The following CLTCL1 variants were observed in gnomAD, a reference collection of about 807,000 sequenced individuals.
CLTCL1 encodes the protein clathrin heavy chain 2.
CLTCL1 carries 159 observed loss-of-function variants against 190.0 expected under a neutral mutation model. That is an observed-to-expected ratio of 0.84 (90% confidence interval 0.74 to 0.95). The LOEUF is 0.95. Ranked by LOEUF, CLTCL1 falls within the 40% of genes least tolerant of loss-of-function variation. The pLI is 0.00. For synonymous variants in CLTCL1, 752 were observed against 769.6 expected (o/e 0.98, Z 0.38); for missense variants, 1,878 against 2,033.4 (o/e 0.92, Z 1.47).
intron 10 of CLTCL1, among the ~76,000 whole-genome samples, chr22:19,231,875 C>A (rs782341295): frequency 6.6e-6 from 1 of 152,136 alleles, no homozygotes; most frequent in Non-Finnish European, 1.5e-5. Flanking sequence ...TGCAGATTCC[C>A]AGATGTACAA....
At chr22:19,238,070 T>G (rs2086135476) in intron 5 of CLTCL1, among the ~76,000 whole-genome samples, 1 of 152,152 alleles carries the variant, frequency 6.6e-6, no homozygotes, top group Non-Finnish European at 1.5e-5. Flanking sequence ...AGATTTTTTA[T>G]TTTTATTCTT....
Position 19,207,461 on chromosome 22 carries a change from A to G in CLTCL1, c.3600+693T>C, listed in dbSNP as rs186242076. The G allele has an allele frequency of 3.7e-3, 1,501 of 400,450 alleles. 7 individuals are homozygous for G. Among genetic ancestry groups the G allele is most frequent in the Non-Finnish European group, 5.6e-3 (1,273 of 227,554 alleles). 24.8% of individuals were successfully genotyped at this position (400,450 alleles called of 1,614,324 possible). On this transcript the variant is annotated intron_variant, in intron 22 of 32. Transcript: ENST00000427926. ...TATTCTGATGTGTATAGCCAAGAGC[A>G]TGTCAAAATTCCATGGGTCTCAATT... is the stretch of plus-strand genomic sequence containing the variant.
Position 19,239,285 on chromosome 22 carries a change from A to G in CLTCL1, c.785T>C (p.Val262Ala), listed in dbSNP as rs1287709090. The G allele has an allele frequency of 1.2e-6, 2 of 1,612,890 alleles. No individual in the cohort carries two copies. The highest frequency in any genetic ancestry group is 1.7e-6 in the Non-Finnish European group (2 of 1,178,926). ...FPPEAQNDFPVAMQIGAKHGV... is the reference protein window; with the variant it reads ...FPPEAQNDFPAAMQIGAKHGV... ...GCAGCACATTCGTACCTGCATAGCC[A>G]CTGGAAAATCATTCTGTGCCTCTGG... Residue 262 changes from valine to alanine, a missense_variant, in exon 5 of 33, where the codon GTG (valine) becomes GCG (alanine). By Grantham distance (64) the Val-to-Ala change is moderately conservative. Coordinates refer to ENST00000427926, the MANE Select transcript of CLTCL1 (RefSeq NM_007098.4).
intron 29 of CLTCL1, 101 bp from the exon 30 acceptor site, chr22:19,183,712 A>G: frequency 8.7e-7 from 1 of 1,143,756 alleles, no homozygotes; most frequent in Non-Finnish European, 1.3e-6. Flanking sequence ...GACTCCACCA[A>G]GGACTTCCTG....
Position 19,229,925 on chromosome 22 carries a change from G to C in CLTCL1, c.1695C>G (p.Phe565Leu). ...ENSLIQQCTS[F>L]LLDALKNNRP... ...GATTATTCTTCAAGGCATCCAATAA[G>C]AAGGAAGTACACTGCTGAATTAAAC... Residue 565 changes from phenylalanine to leucine, a missense_variant, in exon 11 of 33, where the codon TTC (phenylalanine) becomes TTG (leucine). Phe to Leu is a conservative substitution (Grantham distance 22). Coordinates refer to ENST00000427926, the MANE Select transcript of CLTCL1 (RefSeq NM_007098.4). 6.2e-7 allele frequency: 1 copy of C among 1,611,498 alleles called. No individual in the cohort carries two copies. The highest frequency in any genetic ancestry group is 1.3e-5 in the African/African-American group (1 of 74,896).
intron 3 of CLTCL1, among the ~76,000 whole-genome samples, chr22:19,246,268 G>A (rs1241631909): frequency 6.6e-6 from 1 of 151,830 alleles, no homozygotes; most frequent in Non-Finnish European, 1.5e-5. Flanking sequence ...CACCGTGTTA[G>A]CCAGGATGGT....
Position 19,182,797 on chromosome 22 carries a change from AG to A in CLTCL1, c.4827+592del, listed in dbSNP as rs147356768. 6.7e-3 allele frequency: 1,024 copies of A among 153,144 alleles called. 6 individuals are homozygous for A. Among genetic ancestry groups the A allele is most frequent in the African/African-American group, 0.024 (978 of 41,554 alleles). The allele number at this position is 153,144 out of a possible 1,614,324, so 9.5% of individuals were successfully genotyped here. A position where few individuals can be genotyped will look rare whatever the true frequency, so the allele number is the denominator to read the frequency against. Reference sequence around the variant, plus strand: ...CTGTACCAGATGACACTGCTGACACAGGTCTCTGGACAGTGGCTAAAGCTAG... The same window carrying A: ...CTGTACCAGATGACACTGCTGACACAGTCTCTGGACAGTGGCTAAAGCTAG... On this transcript the variant is annotated intron_variant, in intron 30 of 32. Transcript: ENST00000427926.
intron 22 of CLTCL1, among the ~76,000 whole-genome samples, chr22:19,206,402 C>T (rs1038241714): frequency 2.0e-5 from 3 of 151,894 alleles, no homozygotes; most frequent in South Asian, 4.2e-4. Context: ...GCCACACACT[C>T]GGCTAATATT....
intron 26 of CLTCL1, among the ~76,000 whole-genome samples, chr22:19,194,636 G>A (rs2084636067): frequency 1.3e-5 from 2 of 152,204 alleles, no homozygotes; most frequent in African/African-American, 4.8e-5. Flanking sequence ...TGGTCGGGAG[G>A]AAACATGATG....
rs564284198 is a variant in CLTCL1 at position 19,211,894 on chromosome 22, C to T, written c.3066-1385G>A. On this transcript the variant is annotated intron_variant, in intron 19 of 32. Transcript: ENST00000427926. Reference sequence around the variant, plus strand: ...ATGAGTTTAGCAAGGTTGTAGAATACAAGGTCAACATACAAAAATCAATTG... The same window carrying T: ...ATGAGTTTAGCAAGGTTGTAGAATATAAGGTCAACATACAAAAATCAATTG... Among the ~76,000 whole-genome samples the T allele has an allele frequency of 3.6e-3, 508 of 142,834 alleles. 2 individuals carry two copies. The highest frequency in any genetic ancestry group is 6.1e-3 in the Non-Finnish European group (404 of 66,316). The allele number at this position is 142,834 out of a possible 152,430, so 93.7% of individuals were successfully genotyped here.
chr22:19,276,975 AC>A (rs1372604427), intron 1 of CLTCL1, among the ~76,000 whole-genome samples: 4 of 152,042 alleles, frequency 2.6e-5, no homozygotes, highest in African/African-American at 9.7e-5. Flanking sequence ...TCTGGTCGAC[AC>A]CTTTATTTTT....
At chr22:19,278,390 G>C (rs1380384981) in intron 1 of CLTCL1, among the ~76,000 whole-genome samples, 4 of 152,162 alleles carry the variant, frequency 2.6e-5, no homozygotes, top group Admixed American at 1.3e-4. Context: ...TGAAAAGTGA[G>C]AGAATGGTTT....
At chr22:19,220,098 G>C in intron 17 of CLTCL1, 91 bp from the exon 18 acceptor site, 1 of 1,534,188 alleles carries the variant, frequency 6.5e-7, no homozygotes, top group South Asian at 1.1e-5. Flanking sequence ...CTGTGTGCCT[G>C]ATACTGGTTT....
At chr22:19,180,267 G>T (rs782553948) in intron 31 of CLTCL1, 29 bp from the exon 32 acceptor site, 2 of 1,613,182 alleles carry the variant, frequency 1.2e-6, no homozygotes, top group Non-Finnish European at 1.7e-6. Flanking sequence ...CATTAATGGT[G>T]GAAGGACACA....
At position 19,232,494 on chromosome 22, in the gene CLTCL1, C is replaced by T. The variant is rs375049573; in HGVS notation, c.1626G>A (p.Pro542=). ...CGCTCACCTGGCTAATGTTGGCCAG[C>T]GGCTCCTCGTCCTGCACTAGCATTC... The part of the protein sequence containing the change: ...FSRMLVQDEE[P]LANISQIVDI... The change falls in exon 10 of 33, where the codon CCG becomes CCA. Residue 542 remains proline, a synonymous_variant. Coordinates refer to ENST00000427926, the MANE Select transcript of CLTCL1 (RefSeq NM_007098.4). The T allele has an allele frequency of 4.5e-5, 73 of 1,613,776 alleles. 1 individual carries two copies. The highest frequency in any genetic ancestry group is 1.6e-4 in the Middle Eastern group (1 of 6,076).
chr22:19,221,698 G>A, intron 16 of CLTCL1, 87 bp from the exon 17 acceptor site: 1 of 1,226,136 alleles, frequency 8.2e-7, no homozygotes, highest in Non-Finnish European at 1.1e-6. Flanking sequence ...GATGTTTCCT[G>A]AAACAAAAAA....
intron 1 of CLTCL1, among the ~76,000 whole-genome samples, chr22:19,285,237 T>G (rs1555989460): frequency 6.6e-6 from 1 of 151,836 alleles, no homozygotes; most frequent in Non-Finnish European, 1.5e-5. Flanking sequence ...ATTGTGCCAC[T>G]GCACTCCAGC....
At chr22:19,219,262 T>C (rs2085489662) in intron 18 of CLTCL1, among the ~76,000 whole-genome samples, 1 of 149,416 alleles carries the variant, frequency 6.7e-6, no homozygotes, top group Admixed American at 6.7e-5. Flanking sequence ...CAGTCTCGGC[T>C]TTCTGCAACC....
intron 2 of CLTCL1, among the ~76,000 whole-genome samples, chr22:19,260,433 T>G (rs1395185566): frequency 2.0e-5 from 3 of 148,454 alleles, no homozygotes; most frequent in African/African-American, 7.9e-5. Flanking sequence ...TAACTTTAAA[T>G]GGAAGGAATG....
Sources: allele counts gnomAD v4.1 joint callset (sites outside exome capture counted in the v4.1 genomes callset), GRCh38; gene constraint gnomAD v4.1.1; transcripts MANE v1.5; gene names NCBI Gene and HGNC (gene_info 2026-07-23, HGNC 2026-07-21).